Variants in SMARCAD1 observed in about 807,000 individuals in gnomAD.
SMARCAD1 encodes SWI/SNF-related matrix-associated actin-dependent regulator of chromatin subfamily A containing DEAD/H box 1.
SMARCAD1 carries 25 observed loss-of-function variants against 127.1 expected under a neutral mutation model. The observed-to-expected ratio is 0.20, with a 90% CI of 0.14 to 0.27. The LOEUF (loss-of-function observed/expected upper bound fraction) is 0.27. Ranked by LOEUF, SMARCAD1 falls within the 10% of genes least tolerant of loss-of-function variation. The probability of loss-of-function intolerance (pLI) is 1.00; values close to 1 mark genes in which losing one functional copy is unlikely to be tolerated. For synonymous variants in SMARCAD1, 400 were observed against 396.9 expected, an observed-to-expected ratio of 1.01 and a Z score of -0.09; for missense variants, 807 against 1,206.0, an observed-to-expected ratio of 0.67 and a Z score of 4.90.
At chr4:94,276,256 A>T in intron 14 of SMARCAD1, 83 bp from the exon 15 acceptor site, 1 of 1,468,722 alleles carries the variant, frequency 6.8e-7, no homozygotes, top group Non-Finnish European at 9.4e-7. Flanking sequence ...TAAATAAAAA[A>T]TGATTTTATA....
chr4:94,274,890 G>A lies in SMARCAD1; in HGVS notation c.1733G>A (p.Gly578Asp). 1 of 1,603,606 alleles carries A rather than the reference G, an allele frequency of 6.2e-7. No individual in the cohort carries two copies. The highest frequency in any genetic ancestry group is 8.5e-7 in the Non-Finnish European group (1 of 1,170,822). ...TGTGTTTATTGTTTTTAAATTCTAGGTTCTCAAGAAGAACGTAAACAAATT... is the reference window on the plus strand; with the variant it reads ...TGTGTTTATTGTTTTTAAATTCTAGATTCTCAAGAAGAACGTAAACAAATT... ...CPTLKVLCYY[G>D]SQEERKQIRF... The change falls in exon 14 of 24, where the codon GGT (glycine) becomes GAT (aspartate). Residue 578 changes from glycine (G) to aspartate (D), a missense_variant and splice_region_variant. By Grantham distance (94) the Gly-to-Asp change is moderately conservative. This residue lies in a region of SMARCAD1 where 148 missense variants were observed against 313.2 expected (regional missense o/e 0.47). Coordinates refer to ENST00000354268, the MANE Select transcript of SMARCAD1 (RefSeq NM_020159.5).
intron 2 of SMARCAD1, among the ~76,000 whole-genome samples, chr4:94,214,383 T>A (rs1192570418): frequency 6.6e-6 from 1 of 151,192 alleles, no homozygotes; most frequent in Non-Finnish European, 1.5e-5. Flanking sequence ...TGCTTCAGCC[T>A]CCTGAGTAGC....
chr4:94,218,037 T>G (rs9999328), intron 2 of SMARCAD1, among the ~76,000 whole-genome samples: 21,948 of 152,150 alleles, frequency 0.14, 1,802 homozygotes, highest in Non-Finnish European at 0.19. Flanking sequence ...ATTTTTGTGC[T>G]CTTGCTTTAT....
chr4:94,217,234 C>G (rs752426053), intron 2 of SMARCAD1, among the ~76,000 whole-genome samples: 3 of 152,060 alleles, frequency 2.0e-5, no homozygotes, highest in Non-Finnish European at 2.9e-5. Flanking sequence ...ATCGTTTTCT[C>G]CTTTGTTCAT....
chr4:94,279,920 G>A (rs1251550800), intron 19 of SMARCAD1, among the ~76,000 whole-genome samples: 2 of 151,408 alleles, frequency 1.3e-5, no homozygotes, highest in African/African-American at 2.4e-5. Context: ...GCTGGAGTGC[G>A]ATGGCATGAT....
intron 2 of SMARCAD1, among the ~76,000 whole-genome samples, chr4:94,215,361 G>A (rs11943926): frequency 0.47 from 70,989 of 151,890 alleles, 16,882 homozygotes; most frequent in East Asian, 0.72. Context: ...GCTCATGCCT[G>A]TAGAGTCGCA....
At position 94,290,584 on chromosome 4, in the gene SMARCAD1, C is replaced by G. The variant is rs192105063; in HGVS notation, c.*1050C>G. ...GTTTCCAGAATTTCCAGTACAGGAC[C>G]GCCTGAAGAGAGAGCCATTGTTCAA... is the stretch of plus-strand genomic sequence containing the variant. On this transcript the variant is annotated 3_prime_UTR_variant, in exon 24 of 24. Coordinates refer to ENST00000354268, the MANE Select transcript of SMARCAD1 (RefSeq NM_020159.5). 1.8e-5 allele frequency: 8 copies of G among 454,254 alleles called. No individual in the cohort carries two copies. In the Admixed American group the frequency reaches 1.9e-4, roughly 11 times the overall value. 28.1% of individuals were successfully genotyped at this position (454,254 alleles called of 1,614,324 possible).
chr4:94,266,665 T>C (rs1417103713), intron 10 of SMARCAD1, among the ~76,000 whole-genome samples: 1 of 152,130 alleles, frequency 6.6e-6, no homozygotes, highest in African/African-American at 2.4e-5. Flanking sequence ...CTCCTTGCTT[T>C]AGTAAAGGAT....
At chr4:94,283,404 T>C in intron 22 of SMARCAD1, 101 bp downstream of exon 22, 2 of 1,167,822 alleles carry the variant, frequency 1.7e-6, no homozygotes, top group Admixed American at 1.8e-5. Context: ...GTTTTTGTTT[T>C]TTCGGCAAAG....
At chr4:94,267,085 G>A (rs1751837321) in intron 10 of SMARCAD1, among the ~76,000 whole-genome samples, 1 of 113,442 alleles carries the variant, frequency 8.8e-6, no homozygotes, top group Non-Finnish European at 2.0e-5. Flanking sequence ...AGCCTTAAAA[G>A]ATTTCTCACA....
chr4:94,250,648 TTC>T (rs1203225990), intron 7 of SMARCAD1, 102 bp from the exon 8 acceptor site: 3 of 687,450 alleles, frequency 4.4e-6, no homozygotes, highest in Middle Eastern at 3.0e-4. Flanking sequence ...CAGATGTGAA[TTC>T]TCTGTTTTCA....
At chr4:94,242,143 C>T (rs181456210) in intron 6 of SMARCAD1, among the ~76,000 whole-genome samples, 105 of 152,124 alleles carry the variant, frequency 6.9e-4, no homozygotes, top group Admixed American at 5.3e-3. Context: ...AAGCAATTCT[C>T]GCACCTCAGC....
chr4:94,267,115 T>G (rs1423057947), intron 10 of SMARCAD1, among the ~76,000 whole-genome samples: 1 of 152,048 alleles, frequency 6.6e-6, no homozygotes, highest in Admixed American at 6.6e-5. Flanking sequence ...TACAATATAT[T>G]TAATCAAGTG....
chr4:94,229,252 G>A (rs190097971), intron 3 of SMARCAD1, among the ~76,000 whole-genome samples: 50 of 152,050 alleles, frequency 3.3e-4, no homozygotes, highest in Admixed American at 3.1e-3. Flanking sequence ...GATTTTTGTC[G>A]GATTAATTTA....
Position 94,257,317 on chromosome 4 carries a change from T to C in SMARCAD1, c.1281+4310T>C, listed in dbSNP as rs111680557. On this transcript the variant is annotated intron_variant, in intron 9 of 23. Transcript: ENST00000354268. ...CAAATTCTACCAAAGATACCCACCATTTAAGGTGTTTTGAGCATCATCTAT... is the reference window on the plus strand; with the variant it reads ...CAAATTCTACCAAAGATACCCACCACTTAAGGTGTTTTGAGCATCATCTAT... 9.2e-3 allele frequency among the ~76,000 whole-genome samples: 1,403 copies of C among 152,290 alleles called. 16 individuals are homozygous for C. The highest frequency in any genetic ancestry group is 0.032 in the African/African-American group (1,315 of 41,560).
Position 94,290,559 on chromosome 4 carries a change from G to C in SMARCAD1, c.*1025G>C, listed in dbSNP as rs1304424162. ...ACTCTTATCAAAATATATTTTACCA[G>C]TTTCCAGAATTTCCAGTACAGGACC... On this transcript the variant is annotated 3_prime_UTR_variant, in exon 24 of 24. Transcript: ENST00000354268. 2.2e-6 allele frequency: 1 copy of C among 454,430 alleles called. No homozygotes were observed. The highest frequency in any genetic ancestry group is 1.6e-5 in the South Asian group (1 of 64,472). The allele number at this position is 454,430 out of a possible 1,614,324, so 28.1% of individuals were successfully genotyped here.
rs140868044 is a variant in SMARCAD1, at chr4:94,241,607, G to C, written c.705+601G>C. 3.0e-3 allele frequency among the ~76,000 whole-genome samples: 456 copies of C among 152,278 alleles called. 4 individuals are homozygous for C. The highest frequency in any genetic ancestry group is 0.01 in the African/African-American group (433 of 41,544). On this transcript the variant is annotated intron_variant, in intron 6 of 23. Coordinates refer to ENST00000354268, the MANE Select transcript of SMARCAD1 (RefSeq NM_020159.5). Reference sequence around the variant, plus strand: ...TTTCCAGAAGCAGGTGGATAGGGAAGGCAAATTCATACTTAGAGCAGGTTA... The same window carrying C: ...TTTCCAGAAGCAGGTGGATAGGGAACGCAAATTCATACTTAGAGCAGGTTA...
intron 22 of SMARCAD1, 127 bp downstream of exon 22, chr4:94,283,430 AT>A: frequency 2.5e-6 from 2 of 801,558 alleles, no homozygotes; most frequent in Non-Finnish European, 4.2e-6. Flanking sequence ...CTACTGATGT[AT>A]TTTATACCAG....
At chr4:94,210,742 T>C (rs1040199223) in intron 2 of SMARCAD1, among the ~76,000 whole-genome samples, 2 of 151,426 alleles carry the variant, frequency 1.3e-5, no homozygotes, top group Non-Finnish European at 2.9e-5. Flanking sequence ...AAGACCAGCC[T>C]GGCCAACATA....
Sources: gnomAD v4.1 joint callset for allele counts (sites outside exome capture counted in the v4.1 genomes callset) on GRCh38, gnomAD v4.1.1 for gene constraint, gnomAD v4.1.1 regional missense constraint, MANE v1.5 for transcripts, NCBI Gene and HGNC (gene_info 2026-07-23, HGNC 2026-07-21) for gene names.